NAA11: variants seen among roughly 807,000 people sequenced by gnomAD.
The protein encoded by NAA11 is N-alpha-acetyltransferase 11.
NAA11 carries 15 observed loss-of-function variants against 16.1 expected under a neutral mutation model. The observed-to-expected ratio is 0.93, with a 90% confidence interval of 0.62 to 1.44. The LOEUF (loss-of-function observed/expected upper bound fraction) is 1.44. NAA11 is among the 40% of genes most tolerant of loss of function. NAA11 has a pLI of 0.00. For missense variants in NAA11, 298 were observed against 291.3 expected, an observed-to-expected ratio of 1.02 and a Z score of -0.17; for synonymous variants, 122 against 112.4, an observed-to-expected ratio of 1.09 and a Z score of -0.54.
At chr4:79,237,858 T>G (rs1721604967) in intron 2 of NAA11, among the ~76,000 whole-genome samples, 1 of 152,242 alleles carries the variant, frequency 6.6e-6, no homozygotes. Context: ...TATTATTCAT[T>G]ATATGCCCTG....
At chr4:79,211,444 T>G in the NAA11 span, among the ~76,000 whole-genome samples, 1 of 152,204 alleles carries the variant, frequency 6.6e-6, no homozygotes, top group Non-Finnish European at 1.5e-5. Flanking sequence ...CATATAGAGA[T>G]ATTCTGGCAC....
At chr4:79,298,329 G>A (rs1201616931) in intron 1 of NAA11, among the ~76,000 whole-genome samples, 1 of 152,218 alleles carries the variant, frequency 6.6e-6, no homozygotes, top group Non-Finnish European at 1.5e-5. Context: ...AACACGAACA[G>A]GCCTGAAACA....
the NAA11 span, among the ~76,000 whole-genome samples, chr4:79,176,404 G>A: frequency 6.6e-6 from 1 of 152,126 alleles, no homozygotes; most frequent in Admixed American, 6.6e-5. Flanking sequence ...ATGTAATTGT[G>A]GAGGCTTGGT....
the NAA11 span, among the ~76,000 whole-genome samples, chr4:79,202,501 G>GAA: frequency 2.2e-5 from 3 of 134,456 alleles, no homozygotes; most frequent in South Asian, 7.2e-4. Flanking sequence ...TCTTTTCATT[G>GAA]GCCATAATGT....
chr4:79,187,446 T>G, the NAA11 span, among the ~76,000 whole-genome samples: 1 of 152,172 alleles, frequency 6.6e-6, no homozygotes, highest in Non-Finnish European at 1.5e-5. Context: ...TCAAAAAATT[T>G]TACATGGAGA....
chr4:79,194,696 C>T, the NAA11 span, among the ~76,000 whole-genome samples: 1 of 152,086 alleles, frequency 6.6e-6, no homozygotes, highest in Non-Finnish European at 1.5e-5. Flanking sequence ...AGGAGTTTGT[C>T]TTTCTCACAT....
intron 2 of NAA11, among the ~76,000 whole-genome samples, chr4:79,264,320 C>T (rs1056411139): frequency 2.0e-5 from 3 of 152,178 alleles, no homozygotes; most frequent in Non-Finnish European, 2.9e-5. Flanking sequence ...ACAATGACTT[C>T]GTCTCTTGTA....
chr4:79,161,250 A>G, the NAA11 span, among the ~76,000 whole-genome samples: 6 of 152,102 alleles, frequency 3.9e-5, no homozygotes, highest in Non-Finnish European at 7.4e-5. Context: ...ATCTTGGCTC[A>G]CTGCAACCTC....
At chr4:79,161,186 T>C in the NAA11 span, among the ~76,000 whole-genome samples, 1 of 152,238 alleles carries the variant, frequency 6.6e-6, no homozygotes, top group African/African-American at 2.4e-5. Flanking sequence ...GAAAAGACTA[T>C]TCTTTCCCAT....
chr4:79,202,156 A>G, the NAA11 span, among the ~76,000 whole-genome samples: 1 of 151,586 alleles, frequency 6.6e-6, no homozygotes, highest in Admixed American at 6.6e-5. Context: ...TAGATTCTGC[A>G]TATGAGTCAG....
At chr4:79,224,443 A>G (rs1721267905), downstream of NAA11, among the ~76,000 whole-genome samples, 1 of 152,146 alleles carries the variant, frequency 6.6e-6, no homozygotes, top group African/African-American at 2.4e-5. Flanking sequence ...TTACGTGATG[A>G]TTGAACCAAG....
intron 2 of NAA11, among the ~76,000 whole-genome samples, chr4:79,241,841 A>G (rs893228243): frequency 2.6e-5 from 4 of 152,238 alleles, no homozygotes; most frequent in Non-Finnish European, 5.9e-5. Flanking sequence ...AAAGGTGCAT[A>G]TGGAAACTGA....
At chr4:79,208,395 C>T in the NAA11 span, among the ~76,000 whole-genome samples, 23 of 152,114 alleles carry the variant, frequency 1.5e-4, no homozygotes, top group African/African-American at 4.6e-4. Flanking sequence ...TAAAGTACCA[C>T]GCTTATTTGA....
At chr4:79,267,157 A>T (rs958764236) in intron 2 of NAA11, among the ~76,000 whole-genome samples, 1 of 152,208 alleles carries the variant, frequency 6.6e-6, no homozygotes, top group Non-Finnish European at 1.5e-5. Flanking sequence ...AAATTCATTT[A>T]CGTAGTTTGA....
chr4:79,187,694 T>G, the NAA11 span, among the ~76,000 whole-genome samples: 1 of 152,164 alleles, frequency 6.6e-6, no homozygotes, highest in Non-Finnish European at 1.5e-5. Flanking sequence ...TTTAGCAAAC[T>G]GAACTTGCTT....
intron 2 of NAA11, among the ~76,000 whole-genome samples, chr4:79,250,313 C>T (rs1721964546): frequency 6.6e-6 from 1 of 152,254 alleles, no homozygotes. Flanking sequence ...GCCGAGAGGC[C>T]ACGTTCAGCG....
the NAA11 span, among the ~76,000 whole-genome samples, chr4:79,170,762 C>G: frequency 6.6e-6 from 1 of 152,056 alleles, no homozygotes; most frequent in African/African-American, 2.4e-5. Flanking sequence ...TCTGTTCCTC[C>G]TTCTGAATAT....
chr4:79,237,954 C>G (rs1721607069), intron 2 of NAA11, among the ~76,000 whole-genome samples: 1 of 152,150 alleles, frequency 6.6e-6, no homozygotes, highest in African/African-American at 2.4e-5. Context: ...ATAGGTCTTG[C>G]ATTAAACAAA....
chr4:79,243,184 C>T (rs1031415105), intron 2 of NAA11, among the ~76,000 whole-genome samples: 2 of 152,172 alleles, frequency 1.3e-5, no homozygotes, highest in Admixed American at 6.5e-5. Flanking sequence ...AAGATGTCCC[C>T]AGGTTTTGAA....
Sources: allele counts gnomAD v4.1 joint callset (sites outside exome capture counted in the v4.1 genomes callset), GRCh38; gene constraint gnomAD v4.1.1; transcripts MANE v1.5; gene names NCBI Gene and HGNC (gene_info 2026-07-23, HGNC 2026-07-21).